Variants in SPAG6 observed in about 807,000 individuals in gnomAD.
SPAG6 encodes sperm-associated antigen 6.
Under a neutral mutation model 58.5 loss-of-function variants are expected in SPAG6, and 49 were observed. The observed-to-expected ratio is 0.84, with a 90% CI of 0.67 to 1.06. The LOEUF is 1.06. SPAG6 is among the 50% of genes least tolerant of loss of function. SPAG6 has a pLI of 0.00. For missense variants in SPAG6, 560 were observed against 611.3 expected (o/e 0.92, Z 0.89); for synonymous variants, 233 against 225.6 (o/e 1.03, Z -0.29).
chr10:22,355,421 T>C (rs1004774917), intron 2 of SPAG6, among the ~76,000 whole-genome samples: 1 of 152,196 alleles, frequency 6.6e-6, no homozygotes, highest in Admixed American at 6.5e-5. Flanking sequence ...ATATCAGATA[T>C]GGTAGTCCTT....
chr10:22,415,593 C>T (rs1411089342), intron 10 of SPAG6, among the ~76,000 whole-genome samples: 1 of 152,156 alleles, frequency 6.6e-6, no homozygotes, highest in Non-Finnish European at 1.5e-5. Flanking sequence ...AAGCACACTA[C>T]TCACTACTAA....
intron 4 of SPAG6, among the ~76,000 whole-genome samples, chr10:22,374,333 G>A (rs1377444297): frequency 6.6e-6 from 1 of 152,036 alleles, no homozygotes; most frequent in African/African-American, 2.4e-5. Flanking sequence ...TCGTGTGTGG[G>A]ACTTTATAAT....
intron 4 of SPAG6, among the ~76,000 whole-genome samples, chr10:22,379,232 T>C (rs1833894886): frequency 1.3e-5 from 2 of 152,332 alleles, no homozygotes; most frequent in South Asian, 4.1e-4. Flanking sequence ...AGTGAGTCAC[T>C]GTTGCCTATG....
At chr10:22,359,301 G>A (rs1044252212) in intron 2 of SPAG6, 10 of 279,942 alleles carry the variant, frequency 3.6e-5, no homozygotes, top group Non-Finnish European at 4.3e-5. Context: ...ATAGAATGTA[G>A]CTTTAGATTA....
intron 2 of SPAG6, among the ~76,000 whole-genome samples, chr10:22,362,495 C>T (rs1305703344): frequency 3.3e-5 from 5 of 151,978 alleles, no homozygotes; most frequent in African/African-American, 1.2e-4. Flanking sequence ...AATTCCAGCA[C>T]TGTGGGAGGA....
At chr10:22,388,846 A>T (rs1327749530) in intron 6 of SPAG6, among the ~76,000 whole-genome samples, 1 of 152,084 alleles carries the variant, frequency 6.6e-6, no homozygotes, top group Non-Finnish European at 1.5e-5. Flanking sequence ...GGGGGGTTTC[A>T]GTAGTTAGTT....
chr10:22,413,259 C>T (rs186411760), intron 10 of SPAG6, among the ~76,000 whole-genome samples: 69 of 151,600 alleles, frequency 4.6e-4, no homozygotes, highest in African/African-American at 1.5e-3. Context: ...GCTGGCCAGG[C>T]TCAGTGGCTC....
chr10:22,373,687 G>A (rs1044610562), intron 4 of SPAG6, among the ~76,000 whole-genome samples: 2 of 152,034 alleles, frequency 1.3e-5, no homozygotes, highest in African/African-American at 4.8e-5. Flanking sequence ...TATAGATTTC[G>A]GTTGGTTCCA....
At chr10:22,354,914 C>T (rs1220473894) in intron 2 of SPAG6, among the ~76,000 whole-genome samples, 2 of 151,586 alleles carry the variant, frequency 1.3e-5, no homozygotes, top group Non-Finnish European at 1.5e-5. Flanking sequence ...GAGGCTGAGG[C>T]ATCCGGGAAG....
At chr10:22,415,350 A>G (rs886950381) in intron 10 of SPAG6, among the ~76,000 whole-genome samples, 1 of 152,092 alleles carries the variant, frequency 6.6e-6, no homozygotes, top group African/African-American at 2.4e-5. Context: ...TCTTGAATTC[A>G]TATTATCTGG....
At chr10:22,349,842 A>C (rs970804677) in intron 2 of SPAG6, among the ~76,000 whole-genome samples, 1 of 152,212 alleles carries the variant, frequency 6.6e-6, no homozygotes, top group Non-Finnish European at 1.5e-5. Context: ...AAATAAGTCA[A>C]ATATGCTGTT....
chr10:22,355,329 G>A (rs1290010123), intron 2 of SPAG6, among the ~76,000 whole-genome samples: 1 of 152,144 alleles, frequency 6.6e-6, no homozygotes, highest in Non-Finnish European at 1.5e-5. Context: ...TGCTATATAA[G>A]TGTTTGCTAA....
chr10:22,346,162 G>T, intron 2 of SPAG6: 1 of 1,242,292 alleles, frequency 8.0e-7, no homozygotes. Context: ...ATGCCACCCT[G>T]CCTTTGATCA....
chr10:22,374,903 G>A (rs1324001797), intron 4 of SPAG6, among the ~76,000 whole-genome samples: 1 of 152,198 alleles, frequency 6.6e-6, no homozygotes, highest in Non-Finnish European at 1.5e-5. Flanking sequence ...GAAATAACAG[G>A]AGGAAGTGAT....
rs113982308 is a variant in SPAG6, at chr10:22,401,089, T to G, written c.1198-72T>G. ...TGATTTTATTTTGAAATTCCAGGAA[T>G]GTCAGATTTGAATTCTTGTCAAGGT... On this transcript the variant is annotated intron_variant, in intron 8 of 10. Transcript: ENST00000376624. The G allele has an allele frequency of 2.5e-3, 1,848 of 727,854 alleles. 23 individuals carry two copies. In the African/African-American group the frequency reaches 0.027, roughly 11 times the overall value. 45.1% of individuals were successfully genotyped at this position (727,854 alleles called of 1,614,324 possible).
intron 9 of SPAG6, among the ~76,000 whole-genome samples, chr10:22,403,268 A>G (rs191323269): frequency 5.2e-4 from 79 of 152,264 alleles, no homozygotes; most frequent in African/African-American, 1.7e-3. Flanking sequence ...ATATCTCCCA[A>G]TGCTATCCCT....
At chr10:22,367,234 T>C (rs1837225259) in intron 3 of SPAG6, among the ~76,000 whole-genome samples, 1 of 152,050 alleles carries the variant, frequency 6.6e-6, no homozygotes, top group Non-Finnish European at 1.5e-5. Flanking sequence ...TGTATCACCA[T>C]TTTTTCCCCA....
At chr10:22,383,682 G>A (rs915623019) in intron 4 of SPAG6, among the ~76,000 whole-genome samples, 16 of 151,800 alleles carry the variant, frequency 1.1e-4, no homozygotes, top group African/African-American at 3.6e-4. Context: ...GAAGAAAAGA[G>A]GAGAAGGAAG....
intron 9 of SPAG6, among the ~76,000 whole-genome samples, 185 bp from the exon 10 acceptor site, chr10:22,410,846 T>C (rs1356070475): frequency 6.6e-6 from 1 of 152,182 alleles, no homozygotes; most frequent in African/African-American, 2.4e-5. Context: ...TTCTTCAACC[T>C]AAAAATTAAC....
Sources: gnomAD v4.1 joint callset for allele counts (sites outside exome capture counted in the v4.1 genomes callset) on GRCh38, gnomAD v4.1.1 for gene constraint, MANE v1.5 for transcripts, NCBI Gene and HGNC (gene_info 2026-07-23, HGNC 2026-07-21) for gene names.